The following UBE2G1 variants were observed in gnomAD, a reference collection of about 807,000 sequenced individuals.
The protein encoded by UBE2G1 is ubiquitin conjugating enzyme E2 G1, also known as ubiquitin-conjugating enzyme E2 G1.
UBE2G1 carries 5 observed loss-of-function variants against 22.7 expected under a neutral mutation model. The ratio of observed to expected loss-of-function variants is 0.22; its 90% CI spans 0.12 to 0.46. The LOEUF (loss-of-function observed/expected upper bound fraction) is 0.46. Among genes scored for constraint, UBE2G1 ranks in the 20% least tolerant of loss-of-function variants. UBE2G1 has a pLI of 0.99. For synonymous variants in UBE2G1, 74 were observed against 67.5 expected (o/e 1.10, Z -0.47); for missense variants, 88 against 203.9 (o/e 0.43, Z 3.46).
intron 1 of UBE2G1, chr17:4,345,810 A>G (rs1969762596): frequency 6.6e-6 from 1 of 152,206 alleles, no homozygotes; most frequent in Admixed American, 6.5e-5. Flanking sequence ...CAGCTTTAGT[A>G]TGTAGATCCC....
intron 5 of UBE2G1, among the ~76,000 whole-genome samples, chr17:4,276,385 G>T (rs780017393): frequency 8.6e-5 from 13 of 151,890 alleles, no homozygotes; most frequent in Non-Finnish European, 5.9e-5. Flanking sequence ...TGCCATGTTG[G>T]TCTCAAACTC....
At chr17:4,300,707 G>A (rs1178466661) in intron 2 of UBE2G1, among the ~76,000 whole-genome samples, 1 of 151,932 alleles carries the variant, frequency 6.6e-6, no homozygotes, top group Non-Finnish European at 1.5e-5. Flanking sequence ...GCTCACACCT[G>A]TAATCCCAGC....
chr17:4,349,569 C>T (rs1434518759), intron 1 of UBE2G1, among the ~76,000 whole-genome samples: 3 of 151,974 alleles, frequency 2.0e-5, no homozygotes, highest in African/African-American at 2.4e-5. Context: ...ATTGGCCAGG[C>T]GCTGTGGCTC....
chr17:4,296,775 T>G lies in UBE2G1; in HGVS notation c.189A>C (p.Lys63Asn). The G allele has an allele frequency of 6.2e-7, 1 of 1,614,064 alleles. No homozygotes were observed. Among genetic ancestry groups the G allele is most frequent in the Non-Finnish European group, 8.5e-7 (1 of 1,179,960 alleles). Reference protein sequence around the residue: ...GVFKAHLTFPKDYPLRPPKMK... With the variant: ...GVFKAHLTFPNDYPLRPPKMK... ...TTTTAGGAGGTCGGAGGGGATAATC[T>G]TTTGGGAAAGTAAGATGAGCCTTAA... The change falls in exon 3 of 6, where the codon AAA (lysine) becomes AAC (asparagine). Residue 63 changes from lysine (K) to asparagine (N), a missense_variant. Physicochemically the swap from Lys to Asn is moderately conservative, Grantham distance 94. Coordinates refer to ENST00000396981, the MANE Select transcript of UBE2G1 (RefSeq NM_003342.5).
intron 1 of UBE2G1, among the ~76,000 whole-genome samples, chr17:4,343,504 CA>C (rs375106096): frequency 3.3e-5 from 5 of 150,916 alleles, no homozygotes; most frequent in Non-Finnish European, 7.4e-5. Context: ...GACTCCATCT[CA>C]AAAAAAAATT....
At chr17:4,300,027 A>G (rs1969156851) in intron 2 of UBE2G1, among the ~76,000 whole-genome samples, 1 of 149,770 alleles carries the variant, frequency 6.7e-6, no homozygotes, top group Non-Finnish European at 1.5e-5. Flanking sequence ...GGGTTTCACT[A>G]TGTTGGCCAG....
intron 4 of UBE2G1, among the ~76,000 whole-genome samples, chr17:4,288,213 TG>T (rs1024517140): frequency 3.3e-5 from 5 of 152,102 alleles, no homozygotes; most frequent in Non-Finnish European, 5.9e-5. Flanking sequence ...ATTGAAAACT[TG>T]GGGATAATAA....
chr17:4,365,980 C>G (rs930560675), intron 1 of UBE2G1, among the ~76,000 whole-genome samples: 1 of 152,070 alleles, frequency 6.6e-6, no homozygotes, highest in African/African-American at 2.4e-5. Flanking sequence ...CACAGCCCCT[C>G]CCCCGCAACG....
chr17:4,280,967 T>C (rs1183541707), intron 5 of UBE2G1, among the ~76,000 whole-genome samples: 3 of 152,236 alleles, frequency 2.0e-5, no homozygotes, highest in East Asian at 3.9e-4. Context: ...AATGGGACTA[T>C]GAAAAGAAGG....
chr17:4,278,358 C>T (rs1043594824), intron 5 of UBE2G1, among the ~76,000 whole-genome samples: 7 of 152,188 alleles, frequency 4.6e-5, no homozygotes, highest in African/African-American at 1.4e-4. Context: ...CTTTTGGCTT[C>T]TCTGAACCAC....
At chr17:4,354,751 C>T (rs1176632789) in intron 1 of UBE2G1, among the ~76,000 whole-genome samples, 3 of 151,932 alleles carry the variant, frequency 2.0e-5, no homozygotes, top group Non-Finnish European at 2.9e-5. Flanking sequence ...GGCAACGTGG[C>T]AAAACCCTGT....
At chr17:4,362,925 C>T (rs1485369764) in intron 1 of UBE2G1, among the ~76,000 whole-genome samples, 1 of 152,022 alleles carries the variant, frequency 6.6e-6, no homozygotes, top group Non-Finnish European at 1.5e-5. Context: ...GAGTTCGAGA[C>T]CAGCCTGGCC....
At chr17:4,365,009 G>T (rs976323289) in intron 1 of UBE2G1, among the ~76,000 whole-genome samples, 1 of 152,180 alleles carries the variant, frequency 6.6e-6, no homozygotes, top group Non-Finnish European at 1.5e-5. Flanking sequence ...GCTTGCTCAT[G>T]GTCTAATAAT....
At chr17:4,335,509 G>A (rs1227856672) in intron 1 of UBE2G1, among the ~76,000 whole-genome samples, 1 of 152,116 alleles carries the variant, frequency 6.6e-6, no homozygotes, top group Non-Finnish European at 1.5e-5. Flanking sequence ...TTGAACATAA[G>A]AGCACTCAAA....
At chr17:4,363,143 T>G (rs1263908940) in intron 1 of UBE2G1, among the ~76,000 whole-genome samples, 1 of 152,146 alleles carries the variant, frequency 6.6e-6, no homozygotes, top group East Asian at 1.9e-4. Flanking sequence ...AAACAAGGCT[T>G]TTATTTCACT....
At chr17:4,348,709 A>C (rs983634704) in intron 1 of UBE2G1, among the ~76,000 whole-genome samples, 9 of 151,268 alleles carry the variant, frequency 5.9e-5, no homozygotes, top group African/African-American at 1.9e-4. Context: ...TAAAATACAA[A>C]AATTAACTAG....
chr17:4,328,851 C>T (rs561967032), intron 1 of UBE2G1, among the ~76,000 whole-genome samples: 20 of 152,148 alleles, frequency 1.3e-4, no homozygotes, highest in Non-Finnish European at 2.6e-4. Context: ...CTTTGGGAGG[C>T]CGGGGCGGGC....
chr17:4,297,528 C>T (rs774596665), intron 2 of UBE2G1, among the ~76,000 whole-genome samples: 32 of 152,196 alleles, frequency 2.1e-4, no homozygotes, highest in Non-Finnish European at 4.4e-4. Context: ...ACTTAATCAG[C>T]AGTCATTCTT....
intron 1 of UBE2G1, among the ~76,000 whole-genome samples, chr17:4,365,713 G>A (rs978308850): frequency 2.0e-5 from 3 of 152,184 alleles, no homozygotes; most frequent in African/African-American, 7.2e-5. Flanking sequence ...TCGCGCCCGC[G>A]TGGAGGCCGC....
Sources: allele counts gnomAD v4.1 joint callset (sites outside exome capture counted in the v4.1 genomes callset), GRCh38; gene constraint gnomAD v4.1.1; transcripts MANE v1.5; gene names NCBI Gene and HGNC (gene_info 2026-07-23, HGNC 2026-07-21).